The following PEBP4 variants were observed in gnomAD, a reference collection of about 807,000 sequenced individuals.
PEBP4 encodes the protein phosphatidylethanolamine-binding protein 4.
PEBP4 carries 22 observed loss-of-function variants against 23.9 expected under a neutral mutation model. The ratio of observed to expected loss-of-function variants is 0.92; its 90% CI spans 0.66 to 1.31. The LOEUF (loss-of-function observed/expected upper bound fraction) is 1.31. PEBP4 is among the 40% of genes most tolerant of loss of function. The probability of loss-of-function intolerance (pLI) is 0.00; values close to 1 mark genes in which losing one functional copy is unlikely to be tolerated. For synonymous variants in PEBP4, 112 were observed against 99.3 expected, an observed-to-expected ratio of 1.13 and a Z score of -0.76; for missense variants, 324 against 281.7, an observed-to-expected ratio of 1.15 and a Z score of -1.07.
intron 1 of PEBP4, among the ~76,000 whole-genome samples, chr8:22,939,701 C>T (rs1165124105): frequency 1.3e-5 from 2 of 151,748 alleles, no homozygotes; most frequent in African/African-American, 4.8e-5. Flanking sequence ...AAAGAGAGCT[C>T]CAGGGCTGGA....
chr8:22,787,264 T>G lies in PEBP4; in HGVS notation c.357+30373A>C, dbSNP rs183101829. 2.8e-4 allele frequency among the ~76,000 whole-genome samples: 43 copies of G among 152,252 alleles called. 1 individual carries two copies. In the East Asian group the frequency reaches 7.0e-3, roughly 25 times the overall value. ...GAGGGGTCGTATTTTTCTAAAAGAA[T>G]GAAATATAATGAGTGGAGTTGAAGA... On this transcript the variant is annotated intron_variant, in intron 4 of 6. Transcript: ENST00000256404.
chr8:22,887,950 G>C (rs1249727324), intron 3 of PEBP4: 1 of 152,078 alleles, frequency 6.6e-6, no homozygotes, highest in Non-Finnish European at 1.5e-5. Flanking sequence ...ACCCTTATCT[G>C]TACACCTGCT....
chr8:22,901,792 G>A lies in PEBP4; in HGVS notation c.258+18392C>T, dbSNP rs551764923. Among the ~76,000 whole-genome samples, 7 of 152,346 alleles carry A rather than the reference G, an allele frequency of 4.6e-5. No homozygotes were observed. The South Asian group carries it at 1.2e-3, about 27-fold the overall frequency. ...GCGAGGGCACCGTTCTGTGACAGAT[G>A]TTTACAATGATGACACTGCATCATT... On this transcript the variant is annotated intron_variant, in intron 3 of 6. Transcript: ENST00000256404.
chr8:22,786,169 G>T (rs1414968714), intron 4 of PEBP4, among the ~76,000 whole-genome samples: 1 of 152,176 alleles, frequency 6.6e-6, no homozygotes, highest in Non-Finnish European at 1.5e-5. Context: ...GAGGGGCTCT[G>T]GATTAGTGGT....
At chr8:22,777,839 G>A (rs1805845011) in intron 4 of PEBP4, among the ~76,000 whole-genome samples, 1 of 152,144 alleles carries the variant, frequency 6.6e-6, no homozygotes, top group Non-Finnish European at 1.5e-5. Flanking sequence ...GAGGCTGAGG[G>A]CGTGTGGGAG....
At chr8:22,909,429 T>G (rs1379277474) in intron 3 of PEBP4, among the ~76,000 whole-genome samples, 2 of 152,196 alleles carry the variant, frequency 1.3e-5, no homozygotes, top group African/African-American at 4.8e-5. Flanking sequence ...TGAGGGTCCC[T>G]GATTTGTGCA....
intron 3 of PEBP4, among the ~76,000 whole-genome samples, chr8:22,861,601 T>C (rs1054697900): frequency 2.0e-5 from 3 of 152,212 alleles, no homozygotes; most frequent in Non-Finnish European, 4.4e-5. Context: ...CAGAACTCAC[T>C]GGAGAATCTC....
intron 4 of PEBP4, among the ~76,000 whole-genome samples, chr8:22,733,356 G>C (rs1188632815): frequency 2.6e-5 from 4 of 152,182 alleles, no homozygotes; most frequent in Admixed American, 2.6e-4. Flanking sequence ...GTCCCCGTAG[G>C]GACAGAGAGC....
chr8:22,931,552 C>T (rs547963231), upstream of PEBP4, among the ~76,000 whole-genome samples: 1 of 149,918 alleles, frequency 6.7e-6, no homozygotes, highest in South Asian at 2.2e-4. Context: ...TTGCTCCATC[C>T]CTAAAATATT....
chr8:22,795,105 A>T (rs1486883852), intron 4 of PEBP4, among the ~76,000 whole-genome samples: 2 of 118,732 alleles, frequency 1.7e-5, no homozygotes, highest in Admixed American at 1.8e-4. Flanking sequence ...CTACTTTTAA[A>T]TTATTTTATA....
intron 6 of PEBP4, among the ~76,000 whole-genome samples, chr8:22,719,814 G>A (rs1804484701): frequency 1.3e-5 from 2 of 152,158 alleles, no homozygotes; most frequent in Admixed American, 6.5e-5. Context: ...GGTGGCTGGT[G>A]GAGAGGCTGG....
At chr8:22,888,958 C>T (rs769748316) in intron 3 of PEBP4, among the ~76,000 whole-genome samples, 2 of 152,218 alleles carry the variant, frequency 1.3e-5, no homozygotes, top group Non-Finnish European at 2.9e-5. Context: ...TTCCAGGCTT[C>T]GGCAAACTCC....
In PEBP4 at chr8:22,784,798, A is replaced by G. The variant is rs1023653738; in HGVS notation, c.357+32839T>C. On this transcript the variant is annotated intron_variant, in intron 4 of 6. Coordinates refer to ENST00000256404, the MANE Select transcript of PEBP4 (RefSeq NM_144962.3). ...TGCTGAGAAAATGACGGCAGCAAAA[A>G]CTGATTCACTCGCCGCTTTGGGGAG... is the stretch of plus-strand genomic sequence containing the variant. Among the ~76,000 whole-genome samples, 3 of 152,084 alleles carry G rather than the reference A, an allele frequency of 2.0e-5. No individual in the cohort carries two copies. In the South Asian group the frequency reaches 6.2e-4, roughly 32 times the overall value.
At position 22,865,374 on chromosome 8, in the gene PEBP4, TGGCGGTGGCGGC is replaced by T. The variant is rs1039797046; in HGVS notation, c.259-47651_259-47640del. 6.7e-5 allele frequency among the ~76,000 whole-genome samples: 10 copies of T among 150,320 alleles called. No homozygotes were observed. In the South Asian group the frequency reaches 1.3e-3, roughly 20 times the overall value. ...CACCCACGGGCGGTGACGGTGGCGGTGGCGGTGGCGGCGGCGGGACCCCGGGCCTGGCTGCGC... is the reference window on the plus strand; with the variant it reads ...CACCCACGGGCGGTGACGGTGGCGGTGGCGGGACCCCGGGCCTGGCTGCGC... On this transcript the variant is annotated intron_variant, in intron 3 of 6. Transcript: ENST00000256404. The surrounding 1 kb of genome is among the most constrained non-coding windows in gnomAD (Gnocchi z 6.9).
chr8:22,827,282 T>G (rs987908670), intron 3 of PEBP4, among the ~76,000 whole-genome samples: 2 of 152,190 alleles, frequency 1.3e-5, no homozygotes, highest in Admixed American at 1.3e-4. Context: ...AGTGTACATT[T>G]CAATGATTTT....
At chr8:22,793,433 A>ATTTTTTTT (rs11315221) in intron 4 of PEBP4, among the ~76,000 whole-genome samples, 5 of 120,342 alleles carry the variant, frequency 4.2e-5, no homozygotes, top group Non-Finnish European at 8.6e-5. Context: ...CGCCCAGCTC[A>ATTTTTTTT]TTTTTTTTTT....
chr8:22,859,270 A>G (rs1490376190), intron 3 of PEBP4, among the ~76,000 whole-genome samples: 1 of 152,230 alleles, frequency 6.6e-6, no homozygotes, highest in Non-Finnish European at 1.5e-5. Context: ...GGAAAATCCA[A>G]GTGGCTTCTG....
chr8:22,937,037 A>C (rs1242102441), intron 1 of PEBP4, among the ~76,000 whole-genome samples: 1 of 152,232 alleles, frequency 6.6e-6, no homozygotes, highest in African/African-American at 2.4e-5. Context: ...GATCAGGAAC[A>C]AAACAAGGAT....
intron 4 of PEBP4, among the ~76,000 whole-genome samples, chr8:22,753,335 A>C (rs991647721): frequency 3.3e-5 from 5 of 152,156 alleles, no homozygotes; most frequent in Non-Finnish European, 7.4e-5. Context: ...ACTATCTCTC[A>C]GTAATGCAGA....
Sources: allele counts gnomAD v4.1 joint callset (sites outside exome capture counted in the v4.1 genomes callset), GRCh38; gene constraint gnomAD v4.1.1; non-coding constraint Gnocchi (gnomAD v3.1); transcripts MANE v1.5; gene names NCBI Gene and HGNC (gene_info 2026-07-23, HGNC 2026-07-21).